ARPP21: variants seen among roughly 807,000 people sequenced by gnomAD.
ARPP21 encodes the protein cAMP regulated phosphoprotein 21, also known as cAMP-regulated phosphoprotein 21.
A neutral mutation model predicts 113.2 loss-of-function variants in ARPP21; 69 were observed. That is an observed-to-expected ratio of 0.61 (90% CI 0.50 to 0.74). The LOEUF is 0.74. ARPP21 is among the 30% of genes least tolerant of loss of function. The pLI is 0.00. For synonymous variants in ARPP21, 368 were observed against 375.5 expected (o/e 0.98, Z 0.23); for missense variants, 1,070 against 1,037.4 (o/e 1.03, Z -0.43).
At chr3:35,737,472 C>T in intron 16 of ARPP21, 110 bp downstream of exon 16, 1 of 672,668 alleles carries the variant, frequency 1.5e-6, no homozygotes, top group Non-Finnish European at 2.3e-6. Context: ...ACTCAAGCCT[C>T]ACAAATAAAA....
intron 1 of ARPP21, among the ~76,000 whole-genome samples, chr3:35,645,267 A>G (rs989081432): frequency 6.6e-6 from 1 of 151,936 alleles, no homozygotes; most frequent in Admixed American, 6.6e-5. Context: ...TTAGAAATCC[A>G]TTATGAATAA....
chr3:35,684,527 A>G, intron 5 of ARPP21: 1 of 985,608 alleles, frequency 1.0e-6, no homozygotes, highest in Middle Eastern at 5.2e-4. Flanking sequence ...CAGGCATCAT[A>G]TTAGCTTTTA....
At chr3:35,743,750 A>G (rs191528252) in intron 18 of ARPP21, 89 bp from the exon 19 acceptor site, 4 of 1,424,420 alleles carry the variant, frequency 2.8e-6, no homozygotes, top group South Asian at 2.4e-5. Flanking sequence ...ACAACCTACC[A>G]CAATTATAAG....
At chr3:35,780,538 G>A (rs1006445263) in intron 19 of ARPP21, among the ~76,000 whole-genome samples, 2 of 151,870 alleles carry the variant, frequency 1.3e-5, no homozygotes, top group Non-Finnish European at 2.9e-5. Context: ...GGCCTCCCCC[G>A]CAGTGTAATT....
chr3:35,697,281 C>G (rs1404779576), intron 9 of ARPP21, among the ~76,000 whole-genome samples: 3 of 151,584 alleles, frequency 2.0e-5, no homozygotes, highest in Admixed American at 2.0e-4. Flanking sequence ...AGAGTGGATA[C>G]AGGCCCTAGA....
chr3:35,691,940 T>A (rs931117398), intron 9 of ARPP21, among the ~76,000 whole-genome samples: 4 of 151,558 alleles, frequency 2.6e-5, no homozygotes, highest in Non-Finnish European at 5.9e-5. Context: ...AAATACTCTA[T>A]ATTTTCTGCT....
intron 19 of ARPP21, among the ~76,000 whole-genome samples, chr3:35,781,041 G>A (rs565932031): frequency 6.6e-6 from 1 of 152,042 alleles, no homozygotes; most frequent in Non-Finnish European, 1.5e-5. Context: ...AAAATGTGAG[G>A]ACTGTTCCCA....
chr3:35,682,038 G>T (rs2079056957), intron 3 of ARPP21, among the ~76,000 whole-genome samples, 158 bp downstream of exon 3: 1 of 151,580 alleles, frequency 6.6e-6, no homozygotes, highest in African/African-American at 2.4e-5. Context: ...GTCACTTTTT[G>T]TCCTAACCCA....
intron 11 of ARPP21, among the ~76,000 whole-genome samples, chr3:35,710,837 G>C (rs1028220367): frequency 6.6e-6 from 1 of 151,982 alleles, no homozygotes; most frequent in Non-Finnish European, 1.5e-5. Flanking sequence ...TGGGAGACAG[G>C]GTCTGCATGA....
At chr3:35,669,442 T>G (rs1238284701) in intron 1 of ARPP21, among the ~76,000 whole-genome samples, 1 of 152,200 alleles carries the variant, frequency 6.6e-6, no homozygotes, top group Non-Finnish European at 1.5e-5. Flanking sequence ...TATATCAAAT[T>G]GTAAATTTGA....
At chr3:35,679,087 G>A (rs1285152930) in intron 1 of ARPP21, among the ~76,000 whole-genome samples, 1 of 151,870 alleles carries the variant, frequency 6.6e-6, no homozygotes, top group Non-Finnish European at 1.5e-5. Context: ...GAATCCCTCT[G>A]TCAGTGTTTC....
intron 1 of ARPP21, among the ~76,000 whole-genome samples, chr3:35,649,112 C>A (rs1701404888): frequency 6.6e-6 from 1 of 152,122 alleles, no homozygotes; most frequent in Non-Finnish European, 1.5e-5. Flanking sequence ...TTGCATGTGG[C>A]AGATATTTAA....
intron 1 of ARPP21, among the ~76,000 whole-genome samples, chr3:35,664,980 C>T (rs142079231): frequency 0.016 from 2,508 of 152,264 alleles, 26 homozygotes; most frequent in Middle Eastern, 0.078. Flanking sequence ...AGTGAGACTT[C>T]TCCAACATTC....
intron 19 of ARPP21, among the ~76,000 whole-genome samples, chr3:35,753,157 G>T (rs1037002348): frequency 2.0e-5 from 3 of 151,648 alleles, no homozygotes; most frequent in Non-Finnish European, 4.4e-5. Flanking sequence ...AAAATACGGT[G>T]CTTCAGGTAA....
intron 1 of ARPP21, among the ~76,000 whole-genome samples, chr3:35,669,520 G>T (rs1003943619): frequency 6.6e-6 from 1 of 151,992 alleles, no homozygotes; most frequent in Non-Finnish European, 1.5e-5. Context: ...TCTTTTAAAC[G>T]TTCAAAACCA....
chr3:35,674,770 G>A (rs1308332822), intron 1 of ARPP21, among the ~76,000 whole-genome samples: 3 of 151,846 alleles, frequency 2.0e-5, no homozygotes, highest in Non-Finnish European at 2.9e-5. Context: ...TGATTTGGGG[G>A]ATAAAACCAA....
At chr3:35,653,273 G>A (rs1308283799) in intron 1 of ARPP21, among the ~76,000 whole-genome samples, 1 of 70,478 alleles carries the variant, frequency 1.4e-5, no homozygotes, top group African/African-American at 6.9e-5. Flanking sequence ...AAGGAAGAAT[G>A]AAAGAAGTTA....
intron 19 of ARPP21, among the ~76,000 whole-genome samples, chr3:35,750,331 T>C (rs920388935): frequency 6.6e-6 from 1 of 152,102 alleles, no homozygotes; most frequent in Non-Finnish European, 1.5e-5. Context: ...GGCCCGTGGA[T>C]TATTTAGTGG....
upstream of ARPP21, among the ~76,000 whole-genome samples, chr3:35,639,184 C>G (rs1390500008): frequency 6.6e-6 from 1 of 152,098 alleles, no homozygotes; most frequent in Non-Finnish European, 1.5e-5. This position sits in a 1 kb window ranked among gnomAD's most constrained non-coding sequence, Gnocchi z 5.0. Context: ...TGCGCTTTGT[C>G]TCCAGCCTTA....
Sources: allele counts gnomAD v4.1 joint callset (sites outside exome capture counted in the v4.1 genomes callset), GRCh38; gene constraint gnomAD v4.1.1; non-coding constraint Gnocchi (gnomAD v3.1); transcripts MANE v1.5; gene names NCBI Gene and HGNC (gene_info 2026-07-23, HGNC 2026-07-21).